PLCB1: variants seen among roughly 807,000 people sequenced by gnomAD.
PLCB1 encodes phospholipase C beta 1.
A neutral mutation model predicts 161.8 loss-of-function variants in PLCB1; 46 were observed. That is an observed-to-expected ratio of 0.28 (90% CI 0.22 to 0.36). The LOEUF (loss-of-function observed/expected upper bound fraction) is 0.36. Ranked by LOEUF, PLCB1 falls within the 10% of genes least tolerant of loss-of-function variation. PLCB1 has a pLI of 1.00. For missense variants in PLCB1, 1,016 were observed against 1,472.5 expected, an observed-to-expected ratio of 0.69 and a Z score of 5.07; for synonymous variants, 517 against 503.7, an observed-to-expected ratio of 1.03 and a Z score of -0.35.
intron 31 of PLCB1, among the ~76,000 whole-genome samples, chr20:8,872,727 T>C (rs570266752): frequency 1.3e-5 from 2 of 152,134 alleles, no homozygotes; most frequent in Non-Finnish European, 2.9e-5. Flanking sequence ...TTTTCCTCAA[T>C]GTGCTCCATG....
intron 3 of PLCB1, among the ~76,000 whole-genome samples, chr20:8,402,600 C>T (rs1410626983): frequency 3.3e-5 from 5 of 150,896 alleles, no homozygotes; most frequent in Non-Finnish European, 7.4e-5. Flanking sequence ...TTTGGGAGGC[C>T]GAGGCAGGCG....
intron 3 of PLCB1, among the ~76,000 whole-genome samples, chr20:8,460,121 G>C (rs950668710): frequency 6.6e-6 from 1 of 152,238 alleles, no homozygotes; most frequent in East Asian, 1.9e-4. Context: ...ATGAGATCAA[G>C]TGGTGATAGA....
At chr20:8,656,865 A>G (rs1239681558) in intron 7 of PLCB1, among the ~76,000 whole-genome samples, 2 of 151,988 alleles carry the variant, frequency 1.3e-5, no homozygotes, top group East Asian at 1.9e-4. Flanking sequence ...TAGAAAATGT[A>G]TATAGGAAAT....
intron 3 of PLCB1, among the ~76,000 whole-genome samples, chr20:8,510,678 A>G (rs1983847898): frequency 6.6e-6 from 1 of 152,136 alleles, no homozygotes; most frequent in Admixed American, 6.6e-5. Flanking sequence ...GGCGTGAGCC[A>G]CCGTGCCCGG....
intron 9 of PLCB1, among the ~76,000 whole-genome samples, chr20:8,675,730 A>T (rs1285729239): frequency 6.6e-6 from 1 of 152,208 alleles, no homozygotes; most frequent in African/African-American, 2.4e-5. Flanking sequence ...TTAAGGGCAT[A>T]ATCTGGCAAG....
At chr20:8,348,146 C>T (rs1217325024) in intron 2 of PLCB1, among the ~76,000 whole-genome samples, 4 of 152,114 alleles carry the variant, frequency 2.6e-5, no homozygotes, top group African/African-American at 7.2e-5. Flanking sequence ...AAAGATGACC[C>T]TCTGGAAAAG....
intron 9 of PLCB1, among the ~76,000 whole-genome samples, chr20:8,671,542 C>A (rs1405994255): frequency 1.3e-5 from 2 of 152,168 alleles, no homozygotes; most frequent in Non-Finnish European, 2.9e-5. Flanking sequence ...AAGAGCTAAT[C>A]CTCACGCCTC....
At chr20:8,181,418 G>A (rs956374894) in intron 2 of PLCB1, among the ~76,000 whole-genome samples, 6 of 151,888 alleles carry the variant, frequency 4.0e-5, no homozygotes, top group Admixed American at 6.6e-5. Flanking sequence ...CCTTATTGTT[G>A]AAATAAAAAA....
intron 3 of PLCB1, among the ~76,000 whole-genome samples, chr20:8,566,342 T>G (rs1403907101): frequency 6.6e-6 from 1 of 152,204 alleles, no homozygotes; most frequent in Non-Finnish European, 1.5e-5. Context: ...CATGTGAACC[T>G]AGTGTTTACC....
At chr20:8,283,466 CT>C (rs951753317) in intron 2 of PLCB1, among the ~76,000 whole-genome samples, 3 of 151,154 alleles carry the variant, frequency 2.0e-5, no homozygotes, top group Admixed American at 6.6e-5. Flanking sequence ...TATGCTTTTT[CT>C]TTTTTTAATA....
At chr20:8,289,887 G>A (rs1983306746) in intron 2 of PLCB1, among the ~76,000 whole-genome samples, 1 of 152,208 alleles carries the variant, frequency 6.6e-6, no homozygotes, top group Non-Finnish European at 1.5e-5. Context: ...TAATGAGTGA[G>A]TGCCAGTGCC....
rs60933744 is a variant in PLCB1, at chr20:8,420,963, G to C, written c.246+49513G>C. ...ATACCCTGATGGAATAGACCAATTT[G>C]GCAGTCTGAAAAAGAACTAAAAAAG... On this transcript the variant is annotated intron_variant, in intron 3 of 31. Coordinates refer to ENST00000338037, the MANE Select transcript of PLCB1 (RefSeq NM_015192.4). Among the ~76,000 whole-genome samples, 1,186 of 152,198 alleles carry C rather than the reference G, an allele frequency of 7.8e-3. 22 individuals are homozygous for C. Among genetic ancestry groups the C allele is most frequent in the African/African-American group, 0.027 (1,111 of 41,544 alleles).
intron 31 of PLCB1, among the ~76,000 whole-genome samples, chr20:8,800,476 T>C (rs1338556652): frequency 1.3e-5 from 2 of 152,152 alleles, no homozygotes; most frequent in Non-Finnish European, 2.9e-5. Flanking sequence ...AACACATTTA[T>C]ACAGACACAC....
At position 8,629,851 on chromosome 20, in the gene PLCB1, TTCTTTCTTTCTTTCTTTCTTTCTTTC is replaced by T. The variant is rs1187759646; in HGVS notation, c.384+1424_384+1449del. On this transcript the variant is annotated intron_variant, in intron 4 of 31. Transcript: ENST00000338037. ...TTTCTTTCTTTCTTTCTTTCTTTCT[TTCTTTCTTTCTTTCTTTCTTTCTTTC>T]TCTCTCTCTTTCTTTTCTTTCTTTC... 3.7e-3 allele frequency among the ~76,000 whole-genome samples: 367 copies of T among 99,020 alleles called. 4 individuals are homozygous for T. Among genetic ancestry groups the T allele is most frequent in the African/African-American group, 0.013 (296 of 22,686 alleles). 65.0% of individuals were successfully genotyped at this position (99,020 alleles called of 152,430 possible).
chr20:8,823,781 C>T (rs765046070), intron 31 of PLCB1, among the ~76,000 whole-genome samples: 3 of 152,124 alleles, frequency 2.0e-5, no homozygotes, highest in Non-Finnish European at 4.4e-5. Context: ...GCACTAACGC[C>T]TTCTACACAG....
At chr20:8,271,360 T>C (rs1210971065) in intron 2 of PLCB1, among the ~76,000 whole-genome samples, 3 of 152,128 alleles carry the variant, frequency 2.0e-5, no homozygotes, top group African/African-American at 7.2e-5. Context: ...CCATGAAGGG[T>C]GTGTACATAC....
At chr20:8,279,298 A>G (rs1481772636) in intron 2 of PLCB1, among the ~76,000 whole-genome samples, 2 of 152,202 alleles carry the variant, frequency 1.3e-5, no homozygotes, top group Non-Finnish European at 2.9e-5. Context: ...TTAGCCTTAA[A>G]AAAGCCATGA....
At chr20:8,391,763 GTATATATATATATATGTGTGTGTA>G in intron 3 of PLCB1, among the ~76,000 whole-genome samples, 1 of 122,510 alleles carries the variant, frequency 8.2e-6, no homozygotes, top group Non-Finnish European at 1.7e-5. Flanking sequence ...AAATAATGAA[GTATATATATATATATGTGTGTGTA>G]TATATATATA....
At chr20:8,271,915 G>A (rs539246818) in intron 2 of PLCB1, among the ~76,000 whole-genome samples, 3 of 152,088 alleles carry the variant, frequency 2.0e-5, no homozygotes, top group Non-Finnish European at 4.4e-5. Context: ...ACCTACACAG[G>A]CTCTGAAGAA....
Sources: gnomAD v4.1 joint callset for allele counts (sites outside exome capture counted in the v4.1 genomes callset) on GRCh38, gnomAD v4.1.1 for gene constraint, MANE v1.5 for transcripts, NCBI Gene and HGNC (gene_info 2026-07-23, HGNC 2026-07-21) for gene names.